The following RELN variants were observed in gnomAD, a reference collection of about 807,000 sequenced individuals.
RELN encodes reelin.
In RELN, 108 loss-of-function variants were observed where a neutral mutation model predicts 427.6. That is an observed-to-expected ratio of 0.25 (90% CI 0.22 to 0.30). RELN has a LOEUF of 0.30. Ranked by LOEUF, RELN falls within the 10% of genes least tolerant of loss-of-function variation. The pLI, the probability that RELN is intolerant of heterozygous loss-of-function variation, is 1.00. For missense variants in RELN, 3,715 were observed against 4,302.8 expected (o/e 0.86, Z 3.82); for synonymous variants, 1,524 against 1,513.4 (o/e 1.01, Z -0.16).
At chr7:103,907,353 T>C (rs1260293372) in intron 2 of RELN, among the ~76,000 whole-genome samples, 1 of 122,964 alleles carries the variant, frequency 8.1e-6, no homozygotes, top group African/African-American at 3.2e-5. Flanking sequence ...GAGGTGGAGG[T>C]TGCAATAAGT....
Position 103,566,705 on chromosome 7 carries a change from T to C in RELN, c.4643A>G (p.Glu1548Gly). ...TTCCAGGAAGGACATGAAGTCCAAC[T>C]CTCGAAGCAAATGCCAGAGTATCCC... ...DNGILWHLLR[E>G]LDFMSFLEPQ... The change falls in exon 32 of 65, where the codon GAG (glutamate) becomes GGG (glycine). Residue 1548 changes from glutamate to glycine, a missense_variant. This residue lies in a region of RELN where 2,208 missense variants were observed against 2,361.7 expected (regional missense o/e 0.93). Coordinates refer to ENST00000428762, the MANE Select transcript of RELN (RefSeq NM_005045.4). 6.2e-7 allele frequency: 1 copy of C among 1,614,148 alleles called. No individual in the cohort carries two copies. Among genetic ancestry groups the C allele is most frequent in the Non-Finnish European group, 8.5e-7 (1 of 1,179,980 alleles).
At chr7:103,691,681 C>T (rs1017366472) in intron 10 of RELN, among the ~76,000 whole-genome samples, 46 of 152,090 alleles carry the variant, frequency 3.0e-4, no homozygotes, top group African/African-American at 1.0e-3. Context: ...GGTGTGGTGG[C>T]GCACACCTGT....
At chr7:103,614,284 G>A (rs1832031614) in intron 20 of RELN, among the ~76,000 whole-genome samples, 1 of 152,176 alleles carries the variant, frequency 6.6e-6, no homozygotes, top group Non-Finnish European at 1.5e-5. Context: ...CTTTGGTGTG[G>A]ACTGATCCAG....
intron 7 of RELN, among the ~76,000 whole-genome samples, chr7:103,726,185 T>A (rs1428691781): frequency 6.6e-6 from 1 of 152,206 alleles, no homozygotes; most frequent in Non-Finnish European, 1.5e-5. Flanking sequence ...ACTTTTCATT[T>A]GATTGATCTG....
rs751883573 is a variant in RELN at position 103,604,382 on chromosome 7, C to T, written c.3110G>A (p.Cys1037Tyr). The T allele has an allele frequency of 6.2e-7, 1 of 1,613,944 alleles. No individual in the cohort carries two copies. The highest frequency in any genetic ancestry group is 8.5e-7 in the Non-Finnish European group (1 of 1,179,876). The change falls in exon 23 of 65, where the codon TGC (cysteine) becomes TAC (tyrosine). Residue 1037 changes from cysteine to tyrosine, a missense_variant. By Grantham distance (194) the Cys-to-Tyr change is radical. Around this residue, in one of 4 missense-constraint regions of RELN, gnomAD observed 2,208 missense variants for 2,361.7 expected, o/e 0.93. Coordinates refer to ENST00000428762, the MANE Select transcript of RELN (RefSeq NM_005045.4). ...IYIGQQCPNM[C>Y]SGHGSCDHGI... The stretch of plus-strand genomic sequence containing the variant: ...ATGATCGCATGAGCCATGCCCACTG[C>T]ACATGTTGGGGCACTGCTGCCCAAT...
chr7:103,926,627 GTT>G (rs60259062), intron 1 of RELN, among the ~76,000 whole-genome samples: 47 of 99,426 alleles, frequency 4.7e-4, no homozygotes, highest in African/African-American at 1.4e-3. Flanking sequence ...AGTATCATAA[GTT>G]TTTTTTTTTT....
chr7:103,946,591 T>A (rs1002883240), intron 1 of RELN, among the ~76,000 whole-genome samples: 3 of 152,196 alleles, frequency 2.0e-5, no homozygotes, highest in Admixed American at 2.0e-4. Flanking sequence ...ACTTCCTCAT[T>A]TAAATGTTTA....
At chr7:103,883,991 A>ATT (rs1554436769) in intron 2 of RELN, among the ~76,000 whole-genome samples, 1 of 152,198 alleles carries the variant, frequency 6.6e-6, no homozygotes, top group Non-Finnish European at 1.5e-5. Flanking sequence ...CTAAGCAAAA[A>ATT]GAGCAATGCT....
At chr7:103,708,873 C>T (rs189008657) in intron 8 of RELN, among the ~76,000 whole-genome samples, 3 of 152,228 alleles carry the variant, frequency 2.0e-5, no homozygotes, top group African/African-American at 7.2e-5. Context: ...CCCCGTCACT[C>T]GTTGACCTCC....
intron 20 of RELN, among the ~76,000 whole-genome samples, chr7:103,613,725 T>C (rs1471172241): frequency 1.3e-5 from 2 of 152,208 alleles, no homozygotes; most frequent in African/African-American, 2.4e-5. Context: ...ACCAGTCTCC[T>C]GGGCATCAGG....
intron 10 of RELN, among the ~76,000 whole-genome samples, chr7:103,689,761 C>T (rs760306277): frequency 3.2e-4 from 49 of 152,106 alleles, no homozygotes; most frequent in Admixed American, 1.4e-3. Flanking sequence ...GGGTTCTCTG[C>T]GACGTGCTTC....
intron 12 of RELN, among the ~76,000 whole-genome samples, chr7:103,656,101 A>G (rs999340752): frequency 1.3e-5 from 2 of 152,018 alleles, no homozygotes; most frequent in African/African-American, 4.8e-5. Context: ...AAGGTCACCT[A>G]TGAGGCCCAT....
At chr7:103,786,836 C>T (rs185467976) in intron 3 of RELN, among the ~76,000 whole-genome samples, 30 of 152,116 alleles carry the variant, frequency 2.0e-4, no homozygotes, top group African/African-American at 7.0e-4. Context: ...TGAACTCAGT[C>T]CTGGACCAAG....
intron 11 of RELN, among the ~76,000 whole-genome samples, chr7:103,674,019 T>G (rs1025443423): frequency 1.3e-5 from 2 of 152,108 alleles, no homozygotes; most frequent in Non-Finnish European, 2.9e-5. Flanking sequence ...TTGCATTCCA[T>G]GTATTCCTTC....
chr7:103,497,109 G>A (rs1250681594), intron 55 of RELN, among the ~76,000 whole-genome samples: 3 of 152,202 alleles, frequency 2.0e-5, no homozygotes, highest in African/African-American at 7.2e-5. Context: ...ATAGCTTTCA[G>A]TATTAAAATA....
chr7:103,936,540 T>G (rs6949488), intron 1 of RELN, among the ~76,000 whole-genome samples: 69,841 of 151,496 alleles, frequency 0.46, 16,749 homozygotes, highest in East Asian at 0.73. Flanking sequence ...TTCTATTTAT[T>G]CCTTGGATAT....
At position 103,553,709 on chromosome 7, in the gene RELN, G is replaced by C. The variant is rs139740983; in HGVS notation, c.5920C>G (p.Pro1974Ala). ...GPREDNWFFYPGGNIGLYCPY... is the reference protein window; with the variant it reads ...GPREDNWFFYAGGNIGLYCPY... ...CAATAAAGACCGATGTTACCACCAG[G>C]ATAGAAAAACCAATTGTCTTCTCTG... is the stretch of plus-strand genomic sequence containing the variant. Residue 1974 changes from proline to alanine, a missense_variant, in exon 39 of 65, where the codon CCT (proline) becomes GCT (alanine). Around this residue, in one of 4 missense-constraint regions of RELN, gnomAD observed 1,310 missense variants for 1,643.0 expected, o/e 0.80. Coordinates refer to ENST00000428762, the MANE Select transcript of RELN (RefSeq NM_005045.4). The C allele has an allele frequency of 2.5e-6, 4 of 1,613,940 alleles. No homozygotes were observed. The highest frequency in any genetic ancestry group is 2.5e-6 in the Non-Finnish European group (3 of 1,179,996).
intron 4 of RELN, among the ~76,000 whole-genome samples, chr7:103,770,858 T>C (rs73412848): frequency 0.013 from 2,002 of 151,632 alleles, 62 homozygotes; most frequent in African/African-American, 0.046. Context: ...CTGCCTCAGG[T>C]GGTCTCGCCT....
chr7:103,937,414 T>C (rs1563101044), intron 1 of RELN, among the ~76,000 whole-genome samples: 1 of 152,348 alleles, frequency 6.6e-6, no homozygotes. Flanking sequence ...CTTTCTAGTT[T>C]GTGTAGTCAT....
Sources: allele counts gnomAD v4.1 joint callset (sites outside exome capture counted in the v4.1 genomes callset), GRCh38; gene constraint gnomAD v4.1.1; regional missense constraint gnomAD v4.1.1; transcripts MANE v1.5; gene names NCBI Gene and HGNC (gene_info 2026-07-23, HGNC 2026-07-21).